RANBP17: variants seen among roughly 807,000 people sequenced by gnomAD.
RANBP17 encodes RAN binding protein 17.
A neutral mutation model predicts 141.2 loss-of-function variants in RANBP17; 158 were observed. That is an observed-to-expected ratio of 1.12 (90% confidence interval 0.98 to 1.28). RANBP17 has a LOEUF of 1.28. RANBP17 is among the 50% of genes most tolerant of loss of function. The pLI, the probability that RANBP17 is intolerant of heterozygous loss-of-function variation, is 0.00. For synonymous variants in RANBP17, 430 were observed against 450.0 expected, an observed-to-expected ratio of 0.96 and a Z score of 0.56; for missense variants, 1,438 against 1,290.7, an observed-to-expected ratio of 1.11 and a Z score of -1.75.
intron 3 of RANBP17, among the ~76,000 whole-genome samples, chr5:170,882,375 C>T (rs899518137): frequency 9.2e-5 from 14 of 151,916 alleles, no homozygotes; most frequent in Non-Finnish European, 1.8e-4. Flanking sequence ...CCATCATGCC[C>T]GGCCAAAAAA....
At chr5:171,159,165 C>G (rs1581760395) in intron 14 of RANBP17, among the ~76,000 whole-genome samples, 1 of 152,106 alleles carries the variant, frequency 6.6e-6, no homozygotes, top group Non-Finnish European at 1.5e-5. Context: ...GTGGCAGGCC[C>G]TTGGTTTCAA....
At chr5:170,894,391 C>T (rs1295893213) in intron 4 of RANBP17, among the ~76,000 whole-genome samples, 2 of 151,328 alleles carry the variant, frequency 1.3e-5, no homozygotes, top group South Asian at 4.2e-4. Context: ...TTCAATGTAC[C>T]TTTACCAGTT....
chr5:171,178,694 CT>C (rs1760684081), intron 16 of RANBP17, among the ~76,000 whole-genome samples: 1 of 152,108 alleles, frequency 6.6e-6, no homozygotes, highest in Non-Finnish European at 1.5e-5. Flanking sequence ...TGTTTCCTGA[CT>C]TTTTAATGAT....
chr5:171,047,636 C>T (rs1327764030), intron 14 of RANBP17, among the ~76,000 whole-genome samples: 2 of 151,956 alleles, frequency 1.3e-5, no homozygotes, highest in African/African-American at 4.8e-5. Context: ...GACAGGGTTT[C>T]ACCATGTTGG....
chr5:171,095,284 C>G (rs1786606942), intron 14 of RANBP17, among the ~76,000 whole-genome samples: 1 of 152,100 alleles, frequency 6.6e-6, no homozygotes, highest in Admixed American at 6.6e-5. Flanking sequence ...TTATTTTACT[C>G]TATATTTTTG....
intron 12 of RANBP17, among the ~76,000 whole-genome samples, chr5:170,948,488 A>G (rs746225685): frequency 2.0e-5 from 3 of 152,234 alleles, no homozygotes; most frequent in Non-Finnish European, 4.4e-5. Flanking sequence ...AGGATAAAAT[A>G]CTTAGGCATA....
chr5:170,878,316 T>G, intron 2 of RANBP17, 73 bp downstream of exon 2: 1 of 1,276,682 alleles, frequency 7.8e-7, no homozygotes, highest in Non-Finnish European at 1.1e-6. Flanking sequence ...ACTCGTGTGT[T>G]AGCAATGGTA....
chr5:171,016,207 G>A (rs946274102), intron 14 of RANBP17, among the ~76,000 whole-genome samples: 11 of 141,274 alleles, frequency 7.8e-5, no homozygotes, highest in Middle Eastern at 7.4e-3. Flanking sequence ...TGACTCCAAT[G>A]TCTTGAAGGT....
chr5:171,023,025 G>A (rs1034781146), intron 14 of RANBP17, among the ~76,000 whole-genome samples: 4 of 152,208 alleles, frequency 2.6e-5, no homozygotes, highest in African/African-American at 9.6e-5. Context: ...GGTGGGAGGG[G>A]GCTCCCCTGC....
chr5:170,971,468 T>C (rs1290329754), intron 14 of RANBP17, among the ~76,000 whole-genome samples: 1 of 152,234 alleles, frequency 6.6e-6, no homozygotes, highest in Non-Finnish European at 1.5e-5. Flanking sequence ...TGGTTCAACC[T>C]GGATTTGAAC....
At chr5:171,165,649 A>G (rs754519490) in intron 14 of RANBP17, among the ~76,000 whole-genome samples, 5 of 152,302 alleles carry the variant, frequency 3.3e-5, no homozygotes, top group African/African-American at 7.2e-5. Flanking sequence ...TTCTAAGACA[A>G]TATACCACTG....
intron 18 of RANBP17, among the ~76,000 whole-genome samples, chr5:171,186,563 G>C (rs1433932611): frequency 5.7e-5 from 2 of 35,328 alleles, no homozygotes; most frequent in African/African-American, 1.4e-4. Context: ...TTGAGACGGA[G>C]TCTCGCTCTG....
At chr5:171,147,338 T>TG (rs1438953442) in intron 14 of RANBP17, among the ~76,000 whole-genome samples, 218 of 124,602 alleles carry the variant, frequency 1.7e-3, no homozygotes, top group Non-Finnish European at 2.8e-3. Context: ...TCTTGGTTGT[T>TG]TTGTGTGTGT....
chr5:171,040,243 C>T (rs781463437), intron 14 of RANBP17, among the ~76,000 whole-genome samples: 3 of 152,096 alleles, frequency 2.0e-5, no homozygotes, highest in Admixed American at 2.0e-4. Flanking sequence ...ATGTGATTCA[C>T]CACTTAAACA....
At chr5:170,865,605 A>AG (rs1491338654) in intron 1 of RANBP17, among the ~76,000 whole-genome samples, 1 of 152,142 alleles carries the variant, frequency 6.6e-6, no homozygotes, top group African/African-American at 2.4e-5. Context: ...TGTGAATATC[A>AG]GGGGGAGGTG....
intron 19 of RANBP17, 68 bp from the exon 20 acceptor site, chr5:171,205,456 C>A: frequency 1.6e-6 from 2 of 1,279,180 alleles, no homozygotes; most frequent in South Asian, 1.2e-5. Flanking sequence ...TCATTATTGC[C>A]TGATTATTAC....
Position 171,196,645 on chromosome 5 carries a change from G to A in RANBP17, c.2039-3025G>A, listed in dbSNP as rs181029829. Among the ~76,000 whole-genome samples, 8 of 152,242 alleles carry A rather than the reference G, an allele frequency of 5.3e-5. No individual in the cohort carries two copies. The East Asian group carries it at 1.5e-3, about 29-fold the overall frequency. On this transcript the variant is annotated intron_variant, in intron 18 of 27. Coordinates refer to ENST00000523189, the MANE Select transcript of RANBP17 (RefSeq NM_022897.5). ...CAGACACTGAGCAGGGGGATGGGGC[G>A]AGGGGGTGGTTACAGATGTTTTGTC...
intron 3 of RANBP17, among the ~76,000 whole-genome samples, chr5:170,886,908 C>T (rs1460333620): frequency 6.6e-6 from 1 of 152,034 alleles, no homozygotes; most frequent in Non-Finnish European, 1.5e-5. Flanking sequence ...AGCGATCCGC[C>T]TGCCTCAGCC....
intron 16 of RANBP17, among the ~76,000 whole-genome samples, chr5:171,180,856 A>G (rs1390497782): frequency 4.6e-5 from 7 of 152,152 alleles, no homozygotes; most frequent in Non-Finnish European, 5.9e-5. Context: ...CTTCCTGTGA[A>G]TGTTCTGTTT....
Sources: allele counts gnomAD v4.1 joint callset (sites outside exome capture counted in the v4.1 genomes callset), GRCh38; gene constraint gnomAD v4.1.1; transcripts MANE v1.5; gene names NCBI Gene and HGNC (gene_info 2026-07-23, HGNC 2026-07-21).